The following SLC38A6 variants were observed in gnomAD, a reference collection of about 807,000 sequenced individuals.
SLC38A6 encodes N system amino acid transporter NAT-1.
In SLC38A6, 73 loss-of-function variants were observed where a neutral mutation model predicts 65.0. The observed-to-expected ratio is 1.12, with a 90% confidence interval of 0.93 to 1.37. The LOEUF is 1.37. Among genes scored for constraint, SLC38A6 ranks in the 40% most tolerant of loss-of-function variants. The probability of loss-of-function intolerance (pLI) is 0.00; values close to 1 mark genes in which losing one functional copy is unlikely to be tolerated. For synonymous variants in SLC38A6, 183 were observed against 178.8 expected (o/e 1.02, Z -0.19); for missense variants, 561 against 531.1 (o/e 1.06, Z -0.55).
intron 3 of SLC38A6, among the ~76,000 whole-genome samples, chr14:61,008,171 T>C (rs923805701): frequency 1.3e-5 from 2 of 152,184 alleles, no homozygotes; most frequent in Admixed American, 1.3e-4. Flanking sequence ...TTTAGCAGTA[T>C]GTAAATACAT....
At chr14:61,062,329 T>C (rs1246111314) in intron 15 of SLC38A6, among the ~76,000 whole-genome samples, 1 of 152,220 alleles carries the variant, frequency 6.6e-6, no homozygotes, top group Non-Finnish European at 1.5e-5. Flanking sequence ...CACCAGCATT[T>C]GGTGGTGTCA....
At chr14:61,079,392 C>T (rs2139999926) in intron 16 of SLC38A6, among the ~76,000 whole-genome samples, 1 of 152,156 alleles carries the variant, frequency 6.6e-6, no homozygotes, top group East Asian at 1.9e-4. Flanking sequence ...CCACCTCAGC[C>T]TCCCAGAGTG....
exon 16 of SLC38A6, chr14:61,078,858 C>T (rs1221692081): frequency 4.8e-6 from 1 of 209,122 alleles, no homozygotes; most frequent in Non-Finnish European, 9.8e-6. Context: ...GATCTCAGCT[C>T]ATTGCAACCT....
At chr14:60,989,766 C>T (rs933862783) in intron 3 of SLC38A6, among the ~76,000 whole-genome samples, 5 of 152,144 alleles carry the variant, frequency 3.3e-5, no homozygotes, top group African/African-American at 1.2e-4. Flanking sequence ...TCTCCAGTTC[C>T]TCTCCTCCCA....
chr14:61,037,071 T>C lies in SLC38A6; in HGVS notation c.495T>C (p.Leu165=), dbSNP rs146298198. The C allele has an allele frequency of 2.5e-6, 4 of 1,607,290 alleles. No homozygotes were observed. In the African/African-American group the frequency reaches 5.4e-5, roughly 22 times the overall value. ...LTGDYSRYWY[L]DGQTLLIIIC... is the part of the protein sequence containing the mutation. ...TTTTTTATAATAGATATTGGTATCT[T>C]GATGGACAAACACTACTAATAATCA... The change falls in exon 7 of 16, where the codon CTT becomes CTC. Residue 165 remains leucine (L), a synonymous_variant. Transcript: ENST00000267488.
At chr14:60,982,684 AAT>A in intron 2 of SLC38A6, 46 bp downstream of exon 2, 1 of 1,572,226 alleles carries the variant, frequency 6.4e-7, no homozygotes, top group Non-Finnish European at 8.6e-7. Flanking sequence ...CCATTTTGAT[AAT>A]ATACGGAGAA....
chr14:60,987,080 C>G, intron 3 of SLC38A6: 1 of 415,598 alleles, frequency 2.4e-6, no homozygotes, highest in African/African-American at 2.1e-5. Flanking sequence ...CTAACTACTT[C>G]ATGGTTCTGC....
At chr14:61,013,216 T>C (rs968188642) in intron 3 of SLC38A6, among the ~76,000 whole-genome samples, 2 of 152,222 alleles carry the variant, frequency 1.3e-5, no homozygotes, top group Non-Finnish European at 2.9e-5. Flanking sequence ...CCCCTGCCTT[T>C]TTTTGTTTTC....
chr14:61,000,405 G>A (rs1021916781), intron 3 of SLC38A6, among the ~76,000 whole-genome samples: 4 of 152,222 alleles, frequency 2.6e-5, no homozygotes, highest in African/African-American at 9.6e-5. Flanking sequence ...CAAGGCAGGT[G>A]GATCACGAGG....
intron 1 of SLC38A6, chr14:60,981,730 G>T (rs757414921): frequency 7.7e-7 from 1 of 1,304,294 alleles, no homozygotes; most frequent in Non-Finnish European, 1.0e-6. Flanking sequence ...CACCAGTCTC[G>T]TGAGGTCTTT....
intron 3 of SLC38A6, among the ~76,000 whole-genome samples, chr14:61,015,379 A>T (rs1394414446): frequency 6.6e-6 from 1 of 151,940 alleles, no homozygotes; most frequent in South Asian, 2.1e-4. Context: ...GGTTCACTGC[A>T]CCCACTGTCC....
At chr14:61,054,636 A>G (rs182765523), downstream of SLC38A6, among the ~76,000 whole-genome samples, 700 of 152,110 alleles carry the variant, frequency 4.6e-3, 1 homozygote, top group African/African-American at 0.016. Context: ...TTTTGTGGCA[A>G]TTGTGAATGG....
chr14:60,987,435 G>A (rs76561775), intron 3 of SLC38A6: 5,199 of 152,748 alleles, frequency 0.034, 153 homozygotes, highest in African/African-American at 0.084. Flanking sequence ...TTTATGGAGC[G>A]TTTGGGGTCT....
chr14:60,998,763 C>G (rs1368194430), intron 3 of SLC38A6, among the ~76,000 whole-genome samples: 1 of 152,162 alleles, frequency 6.6e-6, no homozygotes, highest in East Asian at 1.9e-4. Flanking sequence ...GCGCTCTCCC[C>G]GCCCCCTACA....
chr14:61,050,445 G>A, intron 12 of SLC38A6, 67 bp from the exon 13 acceptor site: 3 of 1,144,052 alleles, frequency 2.6e-6, no homozygotes, highest in Admixed American at 3.0e-5. Flanking sequence ...TAGTGCAAAG[G>A]AAAACAATTT....
chr14:61,011,060 G>A (rs2039525434), intron 3 of SLC38A6, among the ~76,000 whole-genome samples: 2 of 152,004 alleles, frequency 1.3e-5, no homozygotes, highest in South Asian at 4.1e-4. Flanking sequence ...TTATTTCATT[G>A]AGCAGTGGTT....
intron 3 of SLC38A6, among the ~76,000 whole-genome samples, chr14:61,002,614 C>G (rs1303245269): frequency 2.0e-5 from 3 of 152,156 alleles, no homozygotes; most frequent in Non-Finnish European, 4.4e-5. Flanking sequence ...TCATGGGAAG[C>G]AGGTTTCTAA....
chr14:60,985,164 C>T (rs2037365310), intron 3 of SLC38A6, among the ~76,000 whole-genome samples: 1 of 152,154 alleles, frequency 6.6e-6, no homozygotes, highest in African/African-American at 2.4e-5. Flanking sequence ...GCTACTGTTG[C>T]CTTCCCTGCC....
At chr14:61,053,966 G>A, downstream of SLC38A6, among the ~76,000 whole-genome samples, 1 of 152,072 alleles carries the variant, frequency 6.6e-6, no homozygotes, top group East Asian at 1.9e-4. Flanking sequence ...TGTCTGGGAT[G>A]GTATTGCCTA....
Sources: gnomAD v4.1 joint callset for allele counts (sites outside exome capture counted in the v4.1 genomes callset) on GRCh38, gnomAD v4.1.1 for gene constraint, MANE v1.5 for transcripts, NCBI Gene and HGNC (gene_info 2026-07-23, HGNC 2026-07-21) for gene names.